LINGO2: variants seen among roughly 807,000 people sequenced by gnomAD.
The protein encoded by LINGO2 is leucine rich repeat and Ig domain containing 2.
LINGO2 carries 14 observed loss-of-function variants against 30.6 expected under a neutral mutation model. The ratio of observed to expected loss-of-function variants is 0.46; its 90% CI spans 0.30 to 0.72. The LOEUF is 0.72. Among genes scored for constraint, LINGO2 ranks in the 30% least tolerant of loss-of-function variants. The probability of loss-of-function intolerance (pLI) is 0.07; values close to 1 mark genes in which losing one functional copy is unlikely to be tolerated. For synonymous variants in LINGO2, 317 were observed against 288.5 expected (o/e 1.10, Z -1.00); for missense variants, 729 against 751.7 (o/e 0.97, Z 0.35).
At chr9:28,960,367 G>T in the LINGO2 span, among the ~76,000 whole-genome samples, 209 of 151,952 alleles carry the variant, frequency 1.4e-3, 2 homozygotes, top group Non-Finnish European at 2.4e-3. Context: ...AAGCATGGCA[G>T]TGGGCACCTG....
chr9:28,769,535 TTTTTTTTTTTA>T, the LINGO2 span, among the ~76,000 whole-genome samples: 3 of 85,180 alleles, frequency 3.5e-5, no homozygotes, highest in Non-Finnish European at 6.8e-5. Flanking sequence ...TTTTTTTTTT[TTTTTTTTTTTA>T]CCTGAATGTC....
intron 1 of LINGO2, among the ~76,000 whole-genome samples, chr9:28,640,661 T>C (rs1827529853): frequency 6.6e-6 from 1 of 152,218 alleles, no homozygotes; most frequent in South Asian, 2.1e-4. Context: ...TCTCGTGCCA[T>C]GGTTTTCAGC....
intron 4 of LINGO2, among the ~76,000 whole-genome samples, chr9:28,180,408 A>G (rs762346015): frequency 2.0e-5 from 3 of 152,202 alleles, no homozygotes; most frequent in Admixed American, 6.5e-5. Flanking sequence ...GAAAGCTACA[A>G]GTGTGTGAAT....
intron 4 of LINGO2, among the ~76,000 whole-genome samples, chr9:28,085,643 CT>C (rs574078020): frequency 2.0e-3 from 308 of 152,170 alleles, no homozygotes; most frequent in African/African-American, 7.0e-3. Context: ...CAGAATATCC[CT>C]ATAATATAGA....
intron 2 of LINGO2, among the ~76,000 whole-genome samples, chr9:28,475,565 GTCTTATATCTTTAAGC>G: frequency 6.6e-6 from 1 of 152,120 alleles, no homozygotes; most frequent in South Asian, 2.1e-4. Flanking sequence ...TTAAGTATTA[GTCTTATATCTTTAAGC>G]TCTTTATGCT....
chr9:29,072,936 TTCTC>T, the LINGO2 span, among the ~76,000 whole-genome samples: 1 of 136,738 alleles, frequency 7.3e-6, no homozygotes, highest in East Asian at 2.2e-4. Context: ...CTCTCTCTCT[TTCTC>T]TCTCTCCCCT....
At chr9:28,840,211 G>A in the LINGO2 span, among the ~76,000 whole-genome samples, 1 of 151,764 alleles carries the variant, frequency 6.6e-6, no homozygotes, top group African/African-American at 2.4e-5. Context: ...CAGGACGGTG[G>A]GTCTCCCACC....
intron 4 of LINGO2, among the ~76,000 whole-genome samples, chr9:28,277,899 G>T (rs768856022): frequency 6.6e-6 from 1 of 151,602 alleles, no homozygotes; most frequent in African/African-American, 2.4e-5. Flanking sequence ...AAAGGTATGT[G>T]GAAAGTCCAG....
the LINGO2 span, among the ~76,000 whole-genome samples, chr9:28,876,990 TC>T: frequency 6.6e-6 from 1 of 152,336 alleles, no homozygotes; most frequent in East Asian, 1.9e-4. Context: ...TTTGCATTTG[TC>T]TGATGGCCAG....
At chr9:28,745,395 A>G in the LINGO2 span, among the ~76,000 whole-genome samples, 1 of 151,974 alleles carries the variant, frequency 6.6e-6, no homozygotes, top group East Asian at 1.9e-4. Context: ...GTCTCATAAT[A>G]TGGGGTTGGG....
chr9:29,141,509 A>G, the LINGO2 span, among the ~76,000 whole-genome samples: 1 of 152,014 alleles, frequency 6.6e-6, no homozygotes, highest in Non-Finnish European at 1.5e-5. Flanking sequence ...AAGGACAAAA[A>G]CAAAGGGAAA....
chr9:29,175,629 C>T, the LINGO2 span, among the ~76,000 whole-genome samples: 11 of 149,378 alleles, frequency 7.4e-5, no homozygotes, highest in South Asian at 2.1e-3. Flanking sequence ...CGGGTTCAAG[C>T]GATTATCCTG....
chr9:28,952,689 A>G, the LINGO2 span, among the ~76,000 whole-genome samples: 5 of 152,152 alleles, frequency 3.3e-5, no homozygotes, highest in Non-Finnish European at 7.4e-5. Context: ...ACCAACTGTC[A>G]GACAGAGAAG....
chr9:28,438,849 T>TAC lies in LINGO2; in HGVS notation c.-279+37090_-279+37091insGT, dbSNP rs1402382742. Among the ~76,000 whole-genome samples the TAC allele has an allele frequency of 7.2e-4, 104 of 144,346 alleles. 1 individual carries two copies. The highest frequency in any genetic ancestry group is 1.3e-3 in the Non-Finnish European group (83 of 66,328). 94.7% of individuals were successfully genotyped at this position (144,346 alleles called of 152,430 possible). Reference sequence around the variant, plus strand: ...ATACATATATATATATATATATATATAATGAGATATATATATTTATACATT... The same window carrying TAC: ...ATACATATATATATATATATATATATACAATGAGATATATATATTTATACATT... On this transcript the variant is annotated intron_variant, in intron 2 of 5. Coordinates refer to ENST00000379992, the Ensembl canonical transcript of LINGO2.
chr9:28,197,726 G>T (rs1369591063), intron 4 of LINGO2, among the ~76,000 whole-genome samples: 1 of 151,712 alleles, frequency 6.6e-6, no homozygotes, highest in East Asian at 1.9e-4. Flanking sequence ...AAAAATTCAA[G>T]AAAATTTGCA....
At chr9:28,108,815 C>G (rs563023709) in intron 4 of LINGO2, among the ~76,000 whole-genome samples, 1 of 152,024 alleles carries the variant, frequency 6.6e-6, no homozygotes, top group South Asian at 2.1e-4. Flanking sequence ...ATATTTTATC[C>G]ATGTTTTGTA....
At chr9:28,193,115 G>C (rs115431818) in intron 4 of LINGO2, among the ~76,000 whole-genome samples, 1 of 152,240 alleles carries the variant, frequency 6.6e-6, no homozygotes, top group African/African-American at 2.4e-5. Context: ...TGTTCTCAAA[G>C]ATTTATGCTG....
At chr9:28,689,481 G>C in the LINGO2 span, among the ~76,000 whole-genome samples, 4 of 152,012 alleles carry the variant, frequency 2.6e-5, no homozygotes, top group East Asian at 7.7e-4. Flanking sequence ...AATCATTAGA[G>C]AAATGCAAAT....
chr9:28,444,754 G>A (rs1035995209), intron 2 of LINGO2, among the ~76,000 whole-genome samples: 1 of 152,202 alleles, frequency 6.6e-6, no homozygotes, highest in African/African-American at 2.4e-5. Flanking sequence ...GCCTGAAGCT[G>A]CCCACCCCAC....
Sources: allele counts gnomAD v4.1 joint callset (sites outside exome capture counted in the v4.1 genomes callset), GRCh38; gene constraint gnomAD v4.1.1; transcripts MANE v1.5; gene names NCBI Gene and HGNC (gene_info 2026-07-23, HGNC 2026-07-21).